The following COL15A1 variants were observed in gnomAD, a reference collection of about 807,000 sequenced individuals.
COL15A1 encodes collagen alpha-1(XV) chain.
A neutral mutation model predicts 165.9 loss-of-function variants in COL15A1; 111 were observed. That is an observed-to-expected ratio of 0.67 (90% confidence interval 0.57 to 0.78). COL15A1 has a LOEUF of 0.78. COL15A1 is among the 30% of genes least tolerant of loss of function. COL15A1 has a pLI of 0.00. For synonymous variants in COL15A1, 659 were observed against 674.8 expected, an observed-to-expected ratio of 0.98 and a Z score of 0.36; for missense variants, 1,745 against 1,789.7, an observed-to-expected ratio of 0.98 and a Z score of 0.45.
chr9:99,043,735 G>C lies in COL15A1; in HGVS notation c.2575-833G>C, dbSNP rs528682249. The stretch of plus-strand genomic sequence containing the variant: ...CCCCATTGAAAAGAGACTTCTGTGT[G>C]GCTCAGCCCTGCTCCCCAGGGGCCA... On this transcript the variant is annotated intron_variant, in intron 24 of 41. Coordinates refer to ENST00000375001, the MANE Select transcript of COL15A1 (RefSeq NM_001855.5). 3.6e-4 allele frequency among the ~76,000 whole-genome samples: 55 copies of C among 152,292 alleles called. 2 individuals are homozygous for C. In the South Asian group the frequency reaches 0.011, roughly 31 times the overall value.
At chr9:99,059,740 G>T (rs1427865924) in intron 35 of COL15A1, 149 bp from the exon 36 acceptor site, 3 of 759,168 alleles carry the variant, frequency 4.0e-6, no homozygotes, top group Admixed American at 2.9e-5. Flanking sequence ...CACGCTGGGG[G>T]CACAGCACCC....
rs546950625 is a variant in COL15A1, at chr9:99,008,619, T to A, written c.1353+3569T>A. Reference sequence around the variant, plus strand: ...GTTTATATGAGTATATTTTACTCATTTTTTTTTGAGGCTGAGTTTCTCTCT... The same window carrying A: ...GTTTATATGAGTATATTTTACTCATATTTTTTTGAGGCTGAGTTTCTCTCT... On this transcript the variant is annotated intron_variant, in intron 9 of 41. Coordinates refer to ENST00000375001, the MANE Select transcript of COL15A1 (RefSeq NM_001855.5). 1.2e-4 allele frequency among the ~76,000 whole-genome samples: 18 copies of A among 150,930 alleles called. No homozygotes were observed. In the South Asian group the frequency reaches 3.7e-3, roughly 31 times the overall value.
In COL15A1 at chr9:99,069,808, C is replaced by A. The variant is rs749021821; in HGVS notation, c.4089C>A (p.Asp1363Glu). 2 of 1,614,196 alleles carry A rather than the reference C, an allele frequency of 1.2e-6. No homozygotes were observed. Among genetic ancestry groups the A allele is most frequent in the Non-Finnish European group, 1.7e-6 (2 of 1,180,034 alleles). Residue 1363 changes from aspartate (D) to glutamate (E), a missense_variant, in exon 42 of 42, where the codon GAC (aspartate) becomes GAA (glutamate). Asp to Glu is a conservative substitution (Grantham distance 45, BLOSUM62 2). Coordinates refer to ENST00000375001, the MANE Select transcript of COL15A1 (RefSeq NM_001855.5). ...ASPLSTGKIL[D>E]QKAYSCANRL... ...CGCTGAGCACGGGGAAGATTCTGGA[C>A]CAGAAAGCATACAGCTGTGCTAATC...
Position 99,035,018 on chromosome 9 carries a change from A to G in COL15A1, c.2084A>G (p.Asp695Gly). Residue 695 changes from aspartate (D) to glycine (G), a missense_variant, in exon 18 of 42, where the codon GAC becomes GGC. Physicochemically the swap from Asp to Gly is moderately conservative, Grantham distance 94. Coordinates refer to ENST00000375001, the MANE Select transcript of COL15A1 (RefSeq NM_001855.5). ...GPNGSVGEKG[D>G]PGNRGLPGPP... ...AGCCTGCCCTCTTTCCTACAGGGTG[A>G]CCCTGGCAACAGAGGCTTACCTGGA... 1.2e-6 allele frequency: 2 copies of G among 1,612,988 alleles called. No homozygotes were observed. The highest frequency in any genetic ancestry group is 1.7e-6 in the Non-Finnish European group (2 of 1,179,188).
intron 39 of COL15A1, among the ~76,000 whole-genome samples, chr9:99,066,187 G>T (rs576171150): frequency 1.6e-5 from 2 of 121,406 alleles, no homozygotes; most frequent in Non-Finnish European, 3.4e-5. Flanking sequence ...TGGCAGAAAG[G>T]CTGAGAGAGG....
rs368947846 is a variant in COL15A1, at chr9:99,047,931, T to G, written c.2734-10T>G. The G allele has an allele frequency of 2.2e-5, 35 of 1,610,422 alleles. No individual in the cohort carries two copies. The African/African-American group carries it at 4.1e-4, about 19-fold the overall frequency. Reference sequence around the variant, plus strand: ...GGAGGGTTTACTGAGGTGTCTGCTGTGGGTTCCAGGGTCGCCCAGGACTGA... The same window carrying G: ...GGAGGGTTTACTGAGGTGTCTGCTGGGGGTTCCAGGGTCGCCCAGGACTGA... On this transcript the variant is annotated splice_polypyrimidine_tract_variant and intron_variant, in intron 27 of 41. Coordinates refer to ENST00000375001, the MANE Select transcript of COL15A1 (RefSeq NM_001855.5).
At chr9:99,055,438 G>A (rs940303822) in intron 34 of COL15A1, 66 bp downstream of exon 34, 1 of 948,646 alleles carries the variant, frequency 1.1e-6, no homozygotes, top group African/African-American at 1.6e-5. Context: ...GCCCCCAATG[G>A]GACTAGGCAG....
chr9:99,029,925 CAAA>C (rs11330165), intron 16 of COL15A1, among the ~76,000 whole-genome samples: 1 of 111,602 alleles, frequency 9.0e-6, no homozygotes. Flanking sequence ...AACTCCATCT[CAAA>C]AAAAAAAAAA....
At chr9:98,980,361 G>T (rs565132665) in intron 2 of COL15A1, among the ~76,000 whole-genome samples, 1 of 152,374 alleles carries the variant, frequency 6.6e-6, no homozygotes, top group African/African-American at 2.4e-5. Context: ...CCCCAGAGGG[G>T]AGGGTGTGGG....
chr9:99,050,858 G>A (rs567310255), intron 30 of COL15A1, among the ~76,000 whole-genome samples: 10 of 152,264 alleles, frequency 6.6e-5, no homozygotes, highest in African/African-American at 1.4e-4. Flanking sequence ...CAGTTTGGCC[G>A]CGTATTTGCC....
chr9:99,049,671 C>G lies in COL15A1; in HGVS notation c.2794-19C>G, dbSNP rs763636984. 6.2e-7 allele frequency: 1 copy of G among 1,612,348 alleles called. No homozygotes were observed. Among genetic ancestry groups the G allele is most frequent in the African/African-American group, 1.3e-5 (1 of 75,012 alleles). ...ACAACAACCTGAACTAATGGAATGG[C>G]CTTTTTTTCTTCCTTCAGGGCCCAC... On this transcript the variant is annotated intron_variant, in intron 28 of 41. Transcript: ENST00000375001.
At chr9:99,049,600 C>A in intron 28 of COL15A1, 90 bp from the exon 29 acceptor site, 1 of 1,543,552 alleles carries the variant, frequency 6.5e-7, no homozygotes, top group East Asian at 2.3e-5. Context: ...AGCAGACCCT[C>A]CTTTCCTTCC....
chr9:98,969,951 A>G (rs536764732), intron 2 of COL15A1, among the ~76,000 whole-genome samples: 4 of 152,210 alleles, frequency 2.6e-5, no homozygotes, highest in Admixed American at 2.0e-4. Context: ...ATTAGCATCA[A>G]CTGGGAAGTT....
chr9:99,034,176 T>G (rs78733590), intron 16 of COL15A1, among the ~76,000 whole-genome samples: 4,422 of 152,312 alleles, frequency 0.029, 182 homozygotes, highest in African/African-American at 0.1. Flanking sequence ...CTTCCCTCGC[T>G]TTAGAGTGGG....
In COL15A1 at chr9:98,992,210, G is replaced by A. The variant is rs555502622; in HGVS notation, c.804+2952G>A. Among the ~76,000 whole-genome samples, 618 of 152,378 alleles carry A rather than the reference G, an allele frequency of 4.1e-3. 1 individual carries two copies. The highest frequency in any genetic ancestry group is 5.4e-3 in the Non-Finnish European group (369 of 68,028). On this transcript the variant is annotated intron_variant, in intron 5 of 41. Transcript: ENST00000375001. ...GCCATGTGGGAGCCCACTGCCAGGG[G>A]GCTCGGGCATGGCAGGCTGCAGGTC...
chr9:99,057,785 T>C lies in COL15A1; in HGVS notation c.3337+1381T>C, dbSNP rs1232721691. Among the ~76,000 whole-genome samples the C allele has an allele frequency of 3.9e-5, 6 of 152,166 alleles. No individual in the cohort carries two copies. In the East Asian group the frequency reaches 9.6e-4, roughly 24 times the overall value. ...AGGCATACTTTTTTGTTGTTTGGCT[T>C]GGCAGGAGCCAGGTATGGTGGAAGC... On this transcript the variant is annotated intron_variant, in intron 35 of 41. Transcript: ENST00000375001.
chr9:98,979,556 A>G (rs1394450556), intron 2 of COL15A1, among the ~76,000 whole-genome samples: 1 of 152,086 alleles, frequency 6.6e-6, no homozygotes, highest in East Asian at 1.9e-4. Flanking sequence ...TACTTTGCAT[A>G]TTAGAGAAAT....
chr9:99,021,083 C>A (rs1839018966), intron 12 of COL15A1, among the ~76,000 whole-genome samples: 1 of 152,224 alleles, frequency 6.6e-6, no homozygotes, highest in Non-Finnish European at 1.5e-5. Context: ...TCCACAGTGA[C>A]CCCAGTCAAG....
At chr9:99,043,114 G>A (rs1471842164) in intron 24 of COL15A1, among the ~76,000 whole-genome samples, 1 of 152,068 alleles carries the variant, frequency 6.6e-6, no homozygotes, top group Non-Finnish European at 1.5e-5. Flanking sequence ...GAGGGTGGGT[G>A]TGCTCTGTGG....
Sources: allele counts gnomAD v4.1 joint callset (sites outside exome capture counted in the v4.1 genomes callset), GRCh38; gene constraint gnomAD v4.1.1; transcripts MANE v1.5; gene names NCBI Gene and HGNC (gene_info 2026-07-23, HGNC 2026-07-21).